Variants in AMOTL1 observed in about 807,000 individuals in gnomAD.
The protein encoded by AMOTL1 is angiomotin-like protein 1.
Under a neutral mutation model 102.9 loss-of-function variants are expected in AMOTL1, and 45 were observed. The observed-to-expected ratio is 0.44, with a 90% CI of 0.34 to 0.56. The LOEUF (loss-of-function observed/expected upper bound fraction) is 0.56. AMOTL1 is among the 20% of genes least tolerant of loss of function. AMOTL1 has a pLI of 0.01. For synonymous variants in AMOTL1, 481 were observed against 484.7 expected (o/e 0.99, Z 0.10); for missense variants, 1,114 against 1,225.6 (o/e 0.91, Z 1.36).
At chr11:94,844,773 G>A (rs1032763688) in intron 6 of AMOTL1, among the ~76,000 whole-genome samples, 28 of 152,128 alleles carry the variant, frequency 1.8e-4, no homozygotes, top group African/African-American at 6.8e-4. Flanking sequence ...GTTACAATGA[G>A]GATTAAGTTT....
intron 6 of AMOTL1, among the ~76,000 whole-genome samples, chr11:94,839,252 T>C (rs1378911404): frequency 6.6e-6 from 1 of 152,210 alleles, no homozygotes; most frequent in African/African-American, 2.4e-5. Context: ...CCGGCTGTGG[T>C]CATTTAACAA....
At chr11:94,826,190 G>A (rs1951960416) in intron 4 of AMOTL1, among the ~76,000 whole-genome samples, 2 of 152,160 alleles carry the variant, frequency 1.3e-5, no homozygotes, top group Non-Finnish European at 2.9e-5. Context: ...CTGCCCTGGA[G>A]GCTGAGGCAT....
At position 94,866,154 on chromosome 11, in the gene AMOTL1, G is replaced by C; in HGVS notation, c.2474G>C (p.Trp825Ser). Residue 825 changes from tryptophan to serine, a missense_variant, in exon 11 of 13, where the codon TGG becomes TCG. By Grantham distance (177) the Trp-to-Ser change is radical (BLOSUM62 -3). Transcript: ENST00000433060. ...GAGGAAAAGAAGGAAGAGAAGACCT[G>C]GAAGGGGAGCATAGGTGAGCCCCAC... is the stretch of plus-strand genomic sequence containing the variant. The part of the protein sequence containing the change: ...LAEEKKEEKT[W>S]KGSIGLLLGK... 6.2e-7 allele frequency: 1 copy of C among 1,613,964 alleles called. No homozygotes were observed.
chr11:94,842,327 G>A (rs1285801596), intron 6 of AMOTL1, among the ~76,000 whole-genome samples: 2 of 152,078 alleles, frequency 1.3e-5, no homozygotes, highest in Non-Finnish European at 2.9e-5. Flanking sequence ...AAATGAGACA[G>A]ACACACATCA....
chr11:94,743,499 A>C (rs1207737376), intron 3 of AMOTL1, among the ~76,000 whole-genome samples: 1 of 152,084 alleles, frequency 6.6e-6, no homozygotes, highest in East Asian at 1.9e-4. Flanking sequence ...TCTTAGACAC[A>C]CAGCAGGAAA....
At chr11:94,766,450 A>G (rs1018910479), upstream of AMOTL1, among the ~76,000 whole-genome samples, 5 of 152,192 alleles carry the variant, frequency 3.3e-5, no homozygotes, top group Non-Finnish European at 7.3e-5. Flanking sequence ...TGGAGCTGCA[A>G]CTCAGCTCAT....
intron 3 of AMOTL1, among the ~76,000 whole-genome samples, chr11:94,759,575 A>AG (rs1354020886): frequency 1.3e-5 from 2 of 150,958 alleles, no homozygotes; most frequent in East Asian, 1.9e-4. Flanking sequence ...TAGGTGCAAA[A>AG]AAAAAAAAAA....
upstream of AMOTL1, among the ~76,000 whole-genome samples, chr11:94,763,745 A>G (rs747749868): frequency 6.6e-6 from 1 of 152,354 alleles, no homozygotes; most frequent in Middle Eastern, 3.4e-3. Flanking sequence ...CATCCTTGTC[A>G]TCTTCACATT....
intron 1 of AMOTL1, among the ~76,000 whole-genome samples, chr11:94,778,672 T>C (rs1951062160): frequency 6.6e-6 from 1 of 152,184 alleles, no homozygotes; most frequent in African/African-American, 2.4e-5. Flanking sequence ...TGCTTATAGA[T>C]TCTATGGGTC....
intron 3 of AMOTL1, among the ~76,000 whole-genome samples, chr11:94,759,626 A>T (rs956761932): frequency 1.3e-5 from 2 of 151,738 alleles, no homozygotes; most frequent in African/African-American, 4.8e-5. Flanking sequence ...TGAATCTTGA[A>T]TCTTGGCTCT....
chr11:94,721,587 C>T (rs1217957813), intron 1 of AMOTL1, among the ~76,000 whole-genome samples: 2 of 152,002 alleles, frequency 1.3e-5, no homozygotes, highest in African/African-American at 2.4e-5. Context: ...TCTGTCTTTC[C>T]ACTACATGAG....
intron 3 of AMOTL1, chr11:94,741,120 A>T (rs1950518595): frequency 1.4e-6 from 1 of 705,710 alleles, no homozygotes; most frequent in Non-Finnish European, 2.1e-6. Context: ...GGGTCAGGGG[A>T]CACCTGCTGC....
At chr11:94,851,338 T>A in intron 7 of AMOTL1, among the ~76,000 whole-genome samples, 1 of 152,332 alleles carries the variant, frequency 6.6e-6, no homozygotes, top group South Asian at 2.1e-4. Context: ...AGTTTTAATA[T>A]TTCTATTAAA....
At chr11:94,831,620 A>C (rs897792642) in intron 6 of AMOTL1, 79 bp downstream of exon 6, 2 of 1,282,828 alleles carry the variant, frequency 1.6e-6, no homozygotes, top group South Asian at 1.3e-5. Flanking sequence ...TATTAGTTTC[A>C]AGTGGGTTTT....
intron 1 of AMOTL1, among the ~76,000 whole-genome samples, chr11:94,725,319 G>A (rs1565328221): frequency 6.6e-6 from 1 of 152,132 alleles, no homozygotes; most frequent in Non-Finnish European, 1.5e-5. Context: ...GCTTGGGTGT[G>A]GTTTTGAGAT....
In AMOTL1 at chr11:94,821,822, G is replaced by GT. The variant is rs750537687; in HGVS notation, c.1413+2dup. The GT allele has an allele frequency of 6.2e-7, 1 of 1,612,614 alleles. No individual in the cohort carries two copies. Among genetic ancestry groups the GT allele is most frequent in the Non-Finnish European group, 8.5e-7 (1 of 1,178,752 alleles). ...CGACAATGCCGACAAGCTCCACAAG[G>GT]TGCGTGACTTCCCTGGGGAATGGGA... On this transcript the variant is annotated splice_donor_variant, in intron 4 of 12. Transcript: ENST00000433060. LOFTEE classifies it high-confidence loss of function.
At chr11:94,828,244 T>C (rs1390363177) in intron 4 of AMOTL1, among the ~76,000 whole-genome samples, 3 of 152,240 alleles carry the variant, frequency 2.0e-5, no homozygotes, top group Non-Finnish European at 4.4e-5. Flanking sequence ...CCTTACTGTC[T>C]GCACCCAGTC....
At position 94,795,133 on chromosome 11, in the gene AMOTL1, G is replaced by A. The variant is rs1166078372; in HGVS notation, c.172G>A (p.Ala58Thr). Residue 58 changes from alanine to threonine, a missense_variant, in exon 2 of 13, where the codon GCA (alanine) becomes ACA (threonine). By Grantham distance (58) the Ala-to-Thr change is moderately conservative (BLOSUM62 0). Coordinates refer to ENST00000433060, the MANE Select transcript of AMOTL1 (RefSeq NM_130847.3). ...RHETSALTVE[A>T]TSSIREKVVE... ...TGAAACATCTGCTTTGACGGTGGAG[G>A]CAACCAGTAGCATCAGGGAAAAAGT... 2 of 1,613,588 alleles carry A rather than the reference G, an allele frequency of 1.2e-6. No individual in the cohort carries two copies. The highest frequency in any genetic ancestry group is 2.2e-5 in the East Asian group (1 of 44,878).
At chr11:94,718,464 A>G (rs548675228) in intron 1 of AMOTL1, among the ~76,000 whole-genome samples, 1 of 152,164 alleles carries the variant, frequency 6.6e-6, no homozygotes, top group Non-Finnish European at 1.5e-5. Flanking sequence ...CAAATGACAT[A>G]TGAATTTGTA....
Sources: gnomAD v4.1 joint callset for allele counts (sites outside exome capture counted in the v4.1 genomes callset) on GRCh38, gnomAD v4.1.1 for gene constraint, MANE v1.5 for transcripts, NCBI Gene and HGNC (gene_info 2026-07-23, HGNC 2026-07-21) for gene names.